AGBL1: variants seen among roughly 807,000 people sequenced by gnomAD.
AGBL1 encodes AGBL carboxypeptidase 1.
Under a neutral mutation model 118.9 loss-of-function variants are expected in AGBL1, and 130 were observed. The observed-to-expected ratio is 1.09, with a 90% CI of 0.95 to 1.26. The LOEUF is 1.26. Among genes scored for constraint, AGBL1 ranks in the 50% most tolerant of loss-of-function variants. The pLI is 0.00. For synonymous variants in AGBL1, 555 were observed against 478.9 expected (o/e 1.16, Z -2.08); for missense variants, 1,584 against 1,298.1 (o/e 1.22, Z -3.38).
intron 17 of AGBL1, among the ~76,000 whole-genome samples, chr15:86,373,001 C>T (rs1209190577): frequency 6.6e-6 from 1 of 152,154 alleles, no homozygotes; most frequent in Admixed American, 6.5e-5. Context: ...TCCTTTTCTT[C>T]TTTTCTTTTC....
At chr15:86,500,763 A>G (rs1191105210) in intron 18 of AGBL1, among the ~76,000 whole-genome samples, 1 of 151,704 alleles carries the variant, frequency 6.6e-6, no homozygotes, top group Non-Finnish European at 1.5e-5. Context: ...ATGGCCTTTT[A>G]TGTCTGCCTT....
intron 22 of AGBL1, among the ~76,000 whole-genome samples, chr15:86,698,383 G>T (rs1174113643): frequency 6.6e-6 from 1 of 151,894 alleles, no homozygotes; most frequent in Non-Finnish European, 1.5e-5. Context: ...AGGATACTGA[G>T]GTTCAGAGTG....
At chr15:86,681,853 G>C (rs1157689878) in intron 22 of AGBL1, among the ~76,000 whole-genome samples, 1 of 152,158 alleles carries the variant, frequency 6.6e-6, no homozygotes, top group Non-Finnish European at 1.5e-5. Flanking sequence ...CAGGCATGGA[G>C]AAGTGAATGA....
At chr15:86,600,170 C>A (rs1596302218) in intron 21 of AGBL1, among the ~76,000 whole-genome samples, 1 of 152,116 alleles carries the variant, frequency 6.6e-6, no homozygotes, top group African/African-American at 2.4e-5. Flanking sequence ...TGTCAGCTAA[C>A]TGAAATAGGT....
intron 23 of AGBL1, among the ~76,000 whole-genome samples, chr15:86,963,931 G>A (rs867083546): frequency 1.5e-4 from 22 of 151,568 alleles, no homozygotes; most frequent in African/African-American, 5.1e-4. Context: ...CGATTCAAGG[G>A]TAATACATTG....
At position 86,267,043 on chromosome 15, in the gene AGBL1, C is replaced by A; in HGVS notation, c.1805C>A (p.Ser602Ter). 5 of 1,569,528 alleles carry A rather than the reference C, an allele frequency of 3.2e-6. No individual in the cohort carries two copies. Among genetic ancestry groups the A allele is most frequent in the Non-Finnish European group, 4.3e-6 (5 of 1,155,912 alleles). ...NCLRFFSKFE[S>*]GNLRKAIQVR... Reference sequence around the variant, plus strand: ...TTACGGTTCTTCTCCAAATTTGAGTCAGGAAATCTTCGCAAAGCCATCCAA... The same window carrying A: ...TTACGGTTCTTCTCCAAATTTGAGTAAGGAAATCTTCGCAAAGCCATCCAA... Residue 602 changes from serine to a stop codon, truncating the protein, a stop_gained, in exon 13 of 23, where the codon TCA (serine) becomes TAA (stop). Transcript: ENST00000614907. LOFTEE classifies it high-confidence loss of function.
chr15:86,872,920 A>T (rs2079750832), intron 22 of AGBL1, among the ~76,000 whole-genome samples: 1 of 152,190 alleles, frequency 6.6e-6, no homozygotes, highest in Non-Finnish European at 1.5e-5. Context: ...CAAACATGCA[A>T]ATGTTATACA....
intron 21 of AGBL1, among the ~76,000 whole-genome samples, chr15:86,599,906 T>C (rs1056006666): frequency 3.3e-5 from 5 of 152,128 alleles, no homozygotes; most frequent in African/African-American, 1.2e-4. Context: ...GCTTGATGTA[T>C]AGAAGAATGT....
At position 86,868,069 on chromosome 15, in the gene AGBL1, T is replaced by A. The variant is rs765976362; in HGVS notation, c.3159-39018T>A. 2.0e-5 allele frequency among the ~76,000 whole-genome samples: 3 copies of A among 152,282 alleles called. No homozygotes were observed. The South Asian group carries it at 6.2e-4, about 32-fold the overall frequency. On this transcript the variant is annotated intron_variant, in intron 22 of 22. Transcript: ENST00000614907. Reference sequence around the variant, plus strand: ...TTTTACAGTTTTTCAAAATAAGGAATTATCAATGTGGCTAATCCGGTCTGT... The same window carrying A: ...TTTTACAGTTTTTCAAAATAAGGAAATATCAATGTGGCTAATCCGGTCTGT...
chr15:86,086,280 G>T (rs571666732), intron 1 of AGBL1: 28 of 152,254 alleles, frequency 1.8e-4, no homozygotes, highest in African/African-American at 6.0e-4. Context: ...AGGCAGCTAT[G>T]AATCAAACAG....
intron 17 of AGBL1, among the ~76,000 whole-genome samples, chr15:86,306,280 A>G (rs191151285): frequency 5.9e-5 from 9 of 152,152 alleles, no homozygotes; most frequent in South Asian, 2.1e-4. Context: ...TCTTGTACCC[A>G]TTAACCATCT....
intron 17 of AGBL1, among the ~76,000 whole-genome samples, chr15:86,311,096 G>C (rs983018375): frequency 1.3e-5 from 2 of 152,120 alleles, no homozygotes; most frequent in South Asian, 4.2e-4. Flanking sequence ...AAACCTTCAG[G>C]GGGAGAGACA....
chr15:86,755,558 C>T (rs189375359), intron 22 of AGBL1, among the ~76,000 whole-genome samples: 88 of 152,170 alleles, frequency 5.8e-4, no homozygotes, highest in African/African-American at 2.0e-3. Context: ...TTTAGGTTGA[C>T]CTCAAAGTCC....
At chr15:86,564,351 G>T (rs1212119069) in intron 21 of AGBL1, among the ~76,000 whole-genome samples, 2 of 152,150 alleles carry the variant, frequency 1.3e-5, no homozygotes, top group South Asian at 2.1e-4. Context: ...CTCAGCATTT[G>T]CTTGTCTGTA....
rs1189241485 is a variant in AGBL1, at chr15:86,262,900, A to T, written c.1086+6A>T. 7 of 1,586,714 alleles carry T rather than the reference A, an allele frequency of 4.4e-6. No homozygotes were observed. Among genetic ancestry groups the T allele is most frequent in the Admixed American group, 1.7e-5 (1 of 57,338 alleles). On this transcript the variant is annotated splice_donor_region_variant and intron_variant, in intron 10 of 22. Transcript: ENST00000614907. ...AGCTCTCCTATAGCTTTGAGGTAGG[A>T]CATATGCTGTGGTTCTGATCTTTGA... is the stretch of plus-strand genomic sequence containing the variant.
intron 2 of AGBL1, 125 bp from the exon 3 acceptor site, chr15:86,143,574 A>G (rs2076992813): frequency 8.2e-7 from 1 of 1,219,002 alleles, no homozygotes; most frequent in Non-Finnish European, 1.1e-6. Context: ...TTCAAGAACT[A>G]CATAATTTTA....
intron 22 of AGBL1, among the ~76,000 whole-genome samples, chr15:86,693,698 A>T (rs1264125178): frequency 1.3e-5 from 2 of 152,076 alleles, no homozygotes; most frequent in Non-Finnish European, 2.9e-5. Context: ...GTCTTTTCCA[A>T]TGTTATCTTC....
chr15:86,128,796 G>A (rs913920035), intron 1 of AGBL1, among the ~76,000 whole-genome samples: 14 of 152,130 alleles, frequency 9.2e-5, no homozygotes, highest in African/African-American at 3.4e-4. Context: ...TGGGGTATAT[G>A]ACAATTATAG....
intron 21 of AGBL1, among the ~76,000 whole-genome samples, chr15:86,597,537 C>T (rs1157439327): frequency 6.6e-6 from 1 of 152,088 alleles, no homozygotes; most frequent in Non-Finnish European, 1.5e-5. Context: ...ACATCTCTTG[C>T]CATAAAGCAG....
Sources: gnomAD v4.1 joint callset for allele counts (sites outside exome capture counted in the v4.1 genomes callset) on GRCh38, gnomAD v4.1.1 for gene constraint, MANE v1.5 for transcripts, NCBI Gene and HGNC (gene_info 2026-07-23, HGNC 2026-07-21) for gene names.